PABPC4L: variants seen among roughly 807,000 people sequenced by gnomAD.
PABPC4L encodes polyadenylate-binding protein 4-like.
For synonymous variants in PABPC4L, 169 were observed against 164.1 expected, an observed-to-expected ratio of 1.03 and a Z score of -0.23; for missense variants, 452 against 451.4, an observed-to-expected ratio of 1.00 and a Z score of -0.01.
the PABPC4L span, among the ~76,000 whole-genome samples, chr4:134,093,941 ATATATT>A: frequency 4.6e-5 from 7 of 151,578 alleles, no homozygotes; most frequent in East Asian, 1.4e-3. Flanking sequence ...TATTTGTAAT[ATATATT>A]TATATTTTTA....
the PABPC4L span, among the ~76,000 whole-genome samples, chr4:134,132,944 CATT>C: frequency 1.3e-3 from 189 of 141,906 alleles, 2 homozygotes; most frequent in Admixed American, 6.7e-3. Flanking sequence ...ATTATATAAA[CATT>C]ATGTAGAATG....
At chr4:133,983,217 G>A in the PABPC4L span, among the ~76,000 whole-genome samples, 1 of 152,112 alleles carries the variant, frequency 6.6e-6, no homozygotes, top group Middle Eastern at 3.4e-3. Flanking sequence ...CCTACTTGGT[G>A]TACTAATTGG....
chr4:134,112,332 A>T, the PABPC4L span, among the ~76,000 whole-genome samples: 1 of 151,928 alleles, frequency 6.6e-6, no homozygotes, highest in African/African-American at 2.4e-5. Context: ...TAATAGCTTC[A>T]CCTTCTTTGT....
chr4:134,039,129 G>A, the PABPC4L span, among the ~76,000 whole-genome samples: 504 of 152,136 alleles, frequency 3.3e-3, 4 homozygotes, highest in African/African-American at 9.2e-3. Flanking sequence ...GTAGTTGTGC[G>A]GTTTTGATTG....
At chr4:133,956,898 TG>T in the PABPC4L span, among the ~76,000 whole-genome samples, 1 of 152,112 alleles carries the variant, frequency 6.6e-6, no homozygotes, top group African/African-American at 2.4e-5. Context: ...GAAGAGCATG[TG>T]GGGTAACCAC....
At chr4:134,029,168 C>T in the PABPC4L span, among the ~76,000 whole-genome samples, 2 of 152,244 alleles carry the variant, frequency 1.3e-5, no homozygotes, top group Admixed American at 1.3e-4. Flanking sequence ...TAACAACCAG[C>T]ATGCTATAGA....
the PABPC4L span, among the ~76,000 whole-genome samples, chr4:134,168,136 G>A: frequency 1.3e-5 from 2 of 151,966 alleles, no homozygotes; most frequent in African/African-American, 2.4e-5. Context: ...TGAAAACTAT[G>A]TAGACACATG....
chr4:134,164,071 G>A, the PABPC4L span, among the ~76,000 whole-genome samples: 7 of 151,050 alleles, frequency 4.6e-5, no homozygotes, highest in African/African-American at 1.7e-4. Context: ...AGACCATCCC[G>A]GCTAAAATGG....
the PABPC4L span, among the ~76,000 whole-genome samples, chr4:134,032,991 A>T: frequency 3.3e-5 from 5 of 149,332 alleles, no homozygotes; most frequent in East Asian, 9.9e-4. Flanking sequence ...GTGTTATTGC[A>T]GTTTGCTTTA....
At chr4:134,034,656 T>C in the PABPC4L span, among the ~76,000 whole-genome samples, 552 of 152,040 alleles carry the variant, frequency 3.6e-3, 2 homozygotes, top group African/African-American at 0.012. Context: ...GTGGAGGAAG[T>C]AAGTGCAGAT....
At chr4:134,107,094 C>A in the PABPC4L span, among the ~76,000 whole-genome samples, 1 of 151,068 alleles carries the variant, frequency 6.6e-6, no homozygotes, top group African/African-American at 2.4e-5. Flanking sequence ...AATACTGTAC[C>A]ATTTTTGAGC....
chr4:134,053,701 C>A, the PABPC4L span, among the ~76,000 whole-genome samples: 3 of 151,970 alleles, frequency 2.0e-5, no homozygotes, highest in African/African-American at 4.8e-5. Flanking sequence ...CATCAGAGCA[C>A]AGGTCTTATG....
the PABPC4L span, among the ~76,000 whole-genome samples, chr4:133,987,097 C>A: frequency 6.6e-6 from 1 of 152,152 alleles, no homozygotes; most frequent in African/African-American, 2.4e-5. Flanking sequence ...AAATGTAACT[C>A]ATCTAACAAT....
chr4:134,108,965 C>T, the PABPC4L span, among the ~76,000 whole-genome samples: 2 of 151,882 alleles, frequency 1.3e-5, no homozygotes, highest in Non-Finnish European at 2.9e-5. Flanking sequence ...TGGACATTTT[C>T]TTATTTAAAA....
chr4:134,020,510 A>G, the PABPC4L span, among the ~76,000 whole-genome samples: 18 of 152,070 alleles, frequency 1.2e-4, no homozygotes, highest in African/African-American at 3.9e-4. Flanking sequence ...AACCTTAAAC[A>G]TCTAGAAGCT....
chr4:133,999,775 G>T, the PABPC4L span, among the ~76,000 whole-genome samples: 1 of 151,960 alleles, frequency 6.6e-6, no homozygotes, highest in Admixed American at 6.6e-5. Flanking sequence ...TTTGAGGAGA[G>T]AGAGTTCAAT....
At chr4:134,052,615 G>A in the PABPC4L span, among the ~76,000 whole-genome samples, 70 of 151,944 alleles carry the variant, frequency 4.6e-4, no homozygotes, top group Middle Eastern at 0.01. Context: ...ACAGAGCAAA[G>A]TCAAAATATA....
At chr4:134,147,725 C>T in the PABPC4L span, among the ~76,000 whole-genome samples, 1 of 116,796 alleles carries the variant, frequency 8.6e-6, no homozygotes, top group African/African-American at 3.7e-5. Flanking sequence ...TCAGAAATTA[C>T]AGTGTGTGTG....
chr4:133,976,780 TG>T, the PABPC4L span, among the ~76,000 whole-genome samples: 1 of 152,220 alleles, frequency 6.6e-6, no homozygotes, highest in African/African-American at 2.4e-5. Context: ...TATCTGTTCA[TG>T]TCCTTTGCCC....
Sources: gnomAD v4.1 joint callset for allele counts (sites outside exome capture counted in the v4.1 genomes callset) on GRCh38, gnomAD v4.1.1 for gene constraint, MANE v1.5 for transcripts, NCBI Gene and HGNC (gene_info 2026-07-23, HGNC 2026-07-21) for gene names.